Variants in N4BP2L2 observed in about 807,000 individuals in gnomAD.
N4BP2L2 encodes NEDD4-binding protein 2-like 2.
A neutral mutation model predicts 56.2 loss-of-function variants in N4BP2L2; 50 were observed. The ratio of observed to expected loss-of-function variants is 0.89; its 90% CI spans 0.71 to 1.13. The LOEUF (loss-of-function observed/expected upper bound fraction) is 1.13. Among genes scored for constraint, N4BP2L2 ranks in the 50% most tolerant of loss-of-function variants. The probability of loss-of-function intolerance (pLI) is 0.00; values close to 1 mark genes in which losing one functional copy is unlikely to be tolerated. For missense variants in N4BP2L2, 689 were observed against 693.8 expected, an observed-to-expected ratio of 0.99 and a Z score of 0.08; for synonymous variants, 203 against 223.6, an observed-to-expected ratio of 0.91 and a Z score of 0.82.
At chr13:32,498,516 A>AT (rs1316746213) in intron 6 of N4BP2L2, among the ~76,000 whole-genome samples, 1 of 151,250 alleles carries the variant, frequency 6.6e-6, no homozygotes, top group African/African-American at 2.4e-5. Flanking sequence ...TAATTTCTGT[A>AT]TTTTTAGTAG....
chr13:32,517,785 A>G lies in N4BP2L2; in HGVS notation c.*17T>C, dbSNP rs187099010. The G allele has an allele frequency of 1.7e-5, 27 of 1,611,420 alleles. No homozygotes were observed. In the African/African-American group the frequency reaches 2.0e-4, roughly 12 times the overall value. ...TTTCAAGTGCAACAACAAATGTGTT[A>G]GCTGAAAATAGCTAATTTAATGATT... On this transcript the variant is annotated 3_prime_UTR_variant, in exon 6 of 6. Transcript: ENST00000267068.
chr13:32,434,169 C>G (rs528630998), intron 9 of N4BP2L2, among the ~76,000 whole-genome samples: 9 of 150,526 alleles, frequency 6.0e-5, no homozygotes, highest in Admixed American at 2.6e-4. Context: ...CTCCGCCTCC[C>G]GGGTTCAAAC....
chr13:32,499,091 G>A (rs2089453851), intron 6 of N4BP2L2, among the ~76,000 whole-genome samples: 1 of 151,282 alleles, frequency 6.6e-6, no homozygotes, highest in Non-Finnish European at 1.5e-5. Flanking sequence ...TTATTCAGCT[G>A]CCACTGCCTA....
Position 32,477,970 on chromosome 13 carries a change from C to T in N4BP2L2, c.366-33844G>A. 5 of 1,289,356 alleles carry T rather than the reference C, an allele frequency of 3.9e-6. No homozygotes were observed. In the South Asian group the frequency reaches 6.2e-5, roughly 16 times the overall value. 79.9% of individuals were successfully genotyped at this position (1,289,356 alleles called of 1,614,324 possible). On this transcript the variant is annotated intron_variant, in intron 6 of 9. Coordinates refer to the N4BP2L2 transcript ENST00000357505. ...GCTGCTCTTGGTCATGTCCTTGATT[C>T]CAGCTCCCAAGTCATTGTCTGACAT...
At chr13:32,525,271 T>TA (rs1435313851) in intron 3 of N4BP2L2, 4 of 152,050 alleles carry the variant, frequency 2.6e-5, no homozygotes, top group Non-Finnish European at 4.4e-5. Context: ...ATTAAAAAAA[T>TA]AAAAAAATTA....
chr13:32,523,841 G>C (rs2051818637), intron 3 of N4BP2L2: 1 of 152,132 alleles, frequency 6.6e-6, no homozygotes, highest in Non-Finnish European at 1.5e-5. Context: ...AGGGATAAAA[G>C]ACTACAAATA....
At chr13:32,470,675 G>A (rs559831436) in intron 6 of N4BP2L2, among the ~76,000 whole-genome samples, 4 of 152,320 alleles carry the variant, frequency 2.6e-5, no homozygotes, top group South Asian at 4.1e-4. Context: ...ACCCAATAGC[G>A]GGATGGGTGC....
intron 7 of N4BP2L2, among the ~76,000 whole-genome samples, chr13:32,441,123 A>G (rs1382035548): frequency 6.6e-6 from 1 of 152,128 alleles, no homozygotes; most frequent in Non-Finnish European, 1.5e-5. Context: ...CCAAAGTGCT[A>G]GGATTACAGG....
chr13:32,535,069 T>C (rs2056184996), intron 2 of N4BP2L2, among the ~76,000 whole-genome samples: 1 of 152,216 alleles, frequency 6.6e-6, no homozygotes, highest in African/African-American at 2.4e-5. Flanking sequence ...CAATCAATGG[T>C]ATGAACATGG....
rs2055695424 is a variant in N4BP2L2 at position 32,533,737 on chromosome 13, G to T, written c.1259+2032C>A. On this transcript the variant is annotated intron_variant, in intron 2 of 5. Coordinates refer to ENST00000267068, the Ensembl canonical transcript of N4BP2L2. ...TTTCAGGTGTGAGCCATCATGCCCA[G>T]CCAGTCTTTTAATTTGGTCCTCCAA... 2.6e-5 allele frequency among the ~76,000 whole-genome samples: 4 copies of T among 151,932 alleles called. No individual in the cohort carries two copies. The South Asian group carries it at 8.3e-4, about 31-fold the overall frequency.
At chr13:32,464,609 C>G (rs2080882181) in intron 6 of N4BP2L2, among the ~76,000 whole-genome samples, 1 of 152,110 alleles carries the variant, frequency 6.6e-6, no homozygotes, top group African/African-American at 2.4e-5. Context: ...GGAAACTTAT[C>G]CACTTTTTGC....
chr13:32,527,563 T>A (rs1371669849), intron 2 of N4BP2L2, 31 bp from the exon 3 acceptor site: 3 of 1,603,622 alleles, frequency 1.9e-6, no homozygotes, highest in Non-Finnish European at 2.5e-6. Context: ...AAAGGTGCCA[T>A]TTACAAAATC....
chr13:32,500,546 C>CAA lies in N4BP2L2; in HGVS notation c.365+17309_365+17310dup, dbSNP rs1169575568. On this transcript the variant is annotated intron_variant, in intron 6 of 9. Transcript: ENST00000357505. ...CTAGCCTGTAGAGATCCTGTCTCTA[C>CAA]AAAAAAAAAAAAAAAAAAAAAAATA... is the stretch of plus-strand genomic sequence containing the variant. Among the ~76,000 whole-genome samples the CAA allele has an allele frequency of 9.9e-3, 517 of 52,036 alleles. 10 individuals are homozygous for CAA. Among genetic ancestry groups the CAA allele is most frequent in the African/African-American group, 0.017 (331 of 20,014 alleles). 34.1% of individuals were successfully genotyped at this position (52,036 alleles called of 152,430 possible). A position where few individuals can be genotyped will look rare whatever the true frequency, so the allele number is the denominator to read the frequency against.
intron 6 of N4BP2L2, among the ~76,000 whole-genome samples, chr13:32,501,431 CTTT>C (rs34152087): frequency 1.3e-5 from 2 of 149,882 alleles, no homozygotes; most frequent in African/African-American, 4.9e-5. Context: ...AAATAAAAAC[CTTT>C]TTTTTTTCTT....
rs541419836 is a variant in N4BP2L2, at chr13:32,445,982, C to T, written c.366-1856G>A. 1.5e-4 allele frequency among the ~76,000 whole-genome samples: 23 copies of T among 152,126 alleles called. No homozygotes were observed. In the South Asian group the frequency reaches 4.6e-3, roughly 30 times the overall value. ...AATGTAGTAGAGGAAGGACAATTGA[C>T]ACCGCTGAGGGAAAAATCCAGGACA... On this transcript the variant is annotated intron_variant, in intron 6 of 9. Coordinates refer to the N4BP2L2 transcript ENST00000357505.
At chr13:32,473,484 T>C (rs2082698151) in intron 6 of N4BP2L2, among the ~76,000 whole-genome samples, 1 of 152,220 alleles carries the variant, frequency 6.6e-6, no homozygotes, top group African/African-American at 2.4e-5. Context: ...CTATTGCTGC[T>C]GTAATAAGTG....
downstream of N4BP2L2, chr13:32,507,741 G>C (rs1296468587): frequency 1.3e-5 from 2 of 152,062 alleles, no homozygotes; most frequent in African/African-American, 4.8e-5. Context: ...TATAAGACAG[G>C]GTCAGAGAAG....
At chr13:32,528,945 T>C (rs1164672954) in intron 2 of N4BP2L2, among the ~76,000 whole-genome samples, 2 of 152,218 alleles carry the variant, frequency 1.3e-5, no homozygotes, top group Admixed American at 6.5e-5. Flanking sequence ...GATATAAAAA[T>C]GGCTGTTTGC....
intron 2 of N4BP2L2, among the ~76,000 whole-genome samples, chr13:32,534,851 T>G (rs925620350): frequency 1.3e-4 from 20 of 152,194 alleles, no homozygotes; most frequent in Non-Finnish European, 2.6e-4. Flanking sequence ...TTATATAAAC[T>G]CAAGATAATT....
Sources: gnomAD v4.1 joint callset for allele counts (sites outside exome capture counted in the v4.1 genomes callset) on GRCh38, gnomAD v4.1.1 for gene constraint, MANE v1.5 for transcripts, NCBI Gene and HGNC (gene_info 2026-07-23, HGNC 2026-07-21) for gene names.